Variants in CASK observed in about 807,000 individuals in gnomAD.
CASK encodes the protein calcium/calmodulin dependent serine protein kinase, also known as peripheral plasma membrane protein CASK.
Under a neutral mutation model 82.9 loss-of-function variants are expected in CASK, and 4 were observed. The ratio of observed to expected loss-of-function variants is 0.05; its 90% CI spans 0.02 to 0.11. The LOEUF (loss-of-function observed/expected upper bound fraction) is 0.11. Among genes scored for constraint, CASK ranks in the 10% least tolerant of loss-of-function variants. The pLI is 1.00. For missense variants in CASK, 358 were observed against 720.9 expected, an observed-to-expected ratio of 0.50 and a Z score of 5.76; for synonymous variants, 259 against 253.5, an observed-to-expected ratio of 1.02 and a Z score of -0.20.
intron 7 of CASK, among the ~76,000 whole-genome samples, chrX:41,662,879 C>A (rs2147472355): frequency 9.4e-6 from 1 of 106,663 alleles, no homozygotes; most frequent in East Asian, 3.0e-4. Context: ...GCTCTGCTGC[C>A]CAGGCTGAAG....
intron 1 of CASK, among the ~76,000 whole-genome samples, chrX:41,874,439 C>A (rs1244269584): frequency 8.9e-6 from 1 of 111,821 alleles, no homozygotes; most frequent in African/African-American, 3.3e-5. Context: ...GTCTTCTGTT[C>A]GTGTATTAGT....
chrX:41,859,412 A>G (rs1437416636), intron 1 of CASK, among the ~76,000 whole-genome samples: 1 of 111,804 alleles, frequency 8.9e-6, no homozygotes, highest in Non-Finnish European at 1.9e-5. Context: ...TGGCACTTTC[A>G]GTCGTTTACA....
chrX:41,727,873 C>A, intron 5 of CASK: 1 of 1,202,394 alleles, frequency 8.3e-7, no homozygotes, highest in Non-Finnish European at 1.1e-6. Flanking sequence ...TAACTGTCAG[C>A]AATTGAATTA....
chrX:41,642,758 C>A (rs2066681603), intron 8 of CASK, among the ~76,000 whole-genome samples: 1 of 111,985 alleles, frequency 8.9e-6, no homozygotes, highest in African/African-American at 3.2e-5. Flanking sequence ...TTAATTAGAT[C>A]CCATTTGTCA....
At chrX:41,843,878 G>GA (rs1417090834) in intron 2 of CASK, among the ~76,000 whole-genome samples, 9 of 111,253 alleles carry the variant, frequency 8.1e-5, no homozygotes, top group East Asian at 2.8e-4. Context: ...TTTTATGGTT[G>GA]AAAAAATCAT....
intron 2 of CASK, among the ~76,000 whole-genome samples, chrX:41,811,594 T>A (rs1326555513): frequency 8.9e-6 from 1 of 112,465 alleles, no homozygotes; most frequent in Non-Finnish European, 1.9e-5. Flanking sequence ...AAGTAGTGTG[T>A]AGAGGGAAAT....
rs763159024 is a variant in CASK at position 41,571,328 on chromosome X, A to G, written c.1504-1582T>C. Among the ~76,000 whole-genome samples the G allele has an allele frequency of 4.4e-5, 5 of 112,400 alleles. No homozygotes were observed. The South Asian group carries it at 1.8e-3, about 41-fold the overall frequency. ...TCTTTGAGGAATAGTTTTTAACTAC[A>G]AATTCAATTTTCAGATAGTATAGGG... On this transcript the variant is annotated intron_variant, in intron 15 of 26. Coordinates refer to ENST00000378163, the MANE Select transcript of CASK (RefSeq NM_001367721.1).
intron 1 of CASK, among the ~76,000 whole-genome samples, chrX:41,918,174 T>C (rs1041567370): frequency 8.9e-6 from 1 of 112,403 alleles, no homozygotes; most frequent in African/African-American, 3.2e-5. Flanking sequence ...AAACATTTTT[T>C]CAACACAATG....
chrX:41,622,585 T>C (rs1469641771), intron 11 of CASK, 32 bp downstream of exon 11: 4 of 1,170,340 alleles, frequency 3.4e-6, no homozygotes, highest in Admixed American at 4.4e-5. Context: ...GCATAAAAGA[T>C]ACACCTTAAA....
intron 12 of CASK, among the ~76,000 whole-genome samples, chrX:41,604,621 T>C (rs1264590406): frequency 3.6e-5 from 4 of 111,261 alleles, no homozygotes; most frequent in Admixed American, 2.9e-4. Flanking sequence ...GCCACACAAC[T>C]TGTGGTACTT....
intron 5 of CASK, among the ~76,000 whole-genome samples, chrX:41,694,532 C>A (rs184805980): frequency 8.9e-6 from 1 of 112,250 alleles, no homozygotes; most frequent in African/African-American, 3.2e-5. Flanking sequence ...ACTATCTCTT[C>A]GAAGGTTCTA....
At chrX:41,631,954 A>G (rs1334844239) in intron 9 of CASK, among the ~76,000 whole-genome samples, 1 of 110,489 alleles carries the variant, frequency 9.1e-6, no homozygotes, top group Non-Finnish European at 1.9e-5. Flanking sequence ...TTTTTGAGAC[A>G]GAGTCTTACT....
At chrX:41,744,665 G>A (rs1219686087) in intron 4 of CASK, among the ~76,000 whole-genome samples, 2 of 111,552 alleles carry the variant, frequency 1.8e-5, no homozygotes, top group Non-Finnish European at 3.8e-5. Flanking sequence ...CTTATTTTGA[G>A]TCATTAGGTC....
chrX:41,532,961 C>G (rs1190414049), intron 24 of CASK, among the ~76,000 whole-genome samples: 1 of 110,934 alleles, frequency 9.0e-6, no homozygotes, highest in Non-Finnish European at 1.9e-5. Flanking sequence ...CAGGTGTGTG[C>G]CACCATGCCC....
At chrX:41,772,965 C>T (rs991005179) in intron 3 of CASK, among the ~76,000 whole-genome samples, 4 of 112,016 alleles carry the variant, frequency 3.6e-5, no homozygotes, top group African/African-American at 9.7e-5. Flanking sequence ...TGCGCCACTG[C>T]GCTCCAGCCT....
intron 2 of CASK, among the ~76,000 whole-genome samples, chrX:41,847,721 T>C (rs2071185980): frequency 8.9e-6 from 1 of 112,476 alleles, no homozygotes; most frequent in Middle Eastern, 4.2e-3. Flanking sequence ...ACTCCTGCTC[T>C]TTGCTTAGTG....
rs966636410 is a variant in CASK, at chrX:41,516,373, G to C, written c.*4047C>G. The stretch of plus-strand genomic sequence containing the variant: ...AGCTTGGAGGAGAGTCCTGTATCCA[G>C]AGATTCCAAACAGAGAGGGAAATCT... On this transcript the variant is annotated 3_prime_UTR_variant, in exon 27 of 27. Transcript: ENST00000378163. 4 of 112,614 alleles carry C rather than the reference G, an allele frequency of 3.6e-5. No homozygotes were observed. The highest frequency in any genetic ancestry group is 7.5e-5 in the Non-Finnish European group (4 of 53,354). 9.3% of individuals were successfully genotyped at this position (112,614 alleles called of 1,213,427 possible). A position where few individuals can be genotyped will look rare whatever the true frequency, so the allele number is the denominator to read the frequency against.
At chrX:41,733,372 T>C (rs191146803) in intron 5 of CASK, among the ~76,000 whole-genome samples, 23 of 111,251 alleles carry the variant, frequency 2.1e-4, no homozygotes, top group Admixed American at 1.6e-3. Flanking sequence ...ATTATTAAAA[T>C]GCCACATTAA....
intron 1 of CASK, among the ~76,000 whole-genome samples, chrX:41,892,074 T>C (rs1352828663): frequency 9.1e-6 from 1 of 110,143 alleles, no homozygotes; most frequent in Non-Finnish European, 1.9e-5. Context: ...ATACCTGTAG[T>C]CCCAGTTACT....
Sources: allele counts gnomAD v4.1 joint callset (sites outside exome capture counted in the v4.1 genomes callset), GRCh38; gene constraint gnomAD v4.1.1; transcripts MANE v1.5; gene names NCBI Gene and HGNC (gene_info 2026-07-23, HGNC 2026-07-21).